Variants in BRD4 observed in about 807,000 individuals in gnomAD.
BRD4 encodes bromodomain containing 4, also known as bromodomain-containing protein 4.
In BRD4, 16 loss-of-function variants were observed where a neutral mutation model predicts 142.1. The ratio of observed to expected loss-of-function variants is 0.11; its 90% CI spans 0.08 to 0.17. The LOEUF is 0.17. BRD4 is among the 10% of genes least tolerant of loss of function. The pLI, the probability that BRD4 is intolerant of heterozygous loss-of-function variation, is 1.00. For synonymous variants in BRD4, 833 were observed against 707.5 expected (o/e 1.18, Z -2.82); for missense variants, 1,424 against 1,810.9 (o/e 0.79, Z 3.88).
At chr19:15,310,166 C>T (rs547366444) in intron 1 of BRD4, among the ~76,000 whole-genome samples, 1 of 151,082 alleles carries the variant, frequency 6.6e-6, no homozygotes, top group East Asian at 1.9e-4. Context: ...GGATGAGTCC[C>T]CTGGGAGCTG....
chr19:15,288,314 G>A (rs2047755497), intron 1 of BRD4, among the ~76,000 whole-genome samples: 1 of 152,188 alleles, frequency 6.6e-6, no homozygotes, highest in Non-Finnish European at 1.5e-5. Context: ...GGGTGGCTGG[G>A]AAGGATCGCT....
intron 11 of BRD4, chr19:15,253,812 C>T (rs758312604): frequency 3.2e-6 from 5 of 1,567,806 alleles, no homozygotes; most frequent in Non-Finnish European, 4.3e-6. Context: ...AGGTCAACAG[C>T]ACAGCCTGGA....
intron 1 of BRD4, among the ~76,000 whole-genome samples, chr19:15,307,608 A>G (rs1018385084): frequency 2.0e-5 from 3 of 152,210 alleles, no homozygotes; most frequent in East Asian, 1.9e-4. Flanking sequence ...CCTTTCCAGG[A>G]CAAGACAATG....
rs755594927 is a variant in BRD4 at position 15,243,045 on chromosome 19, G to A, written c.3024C>T (p.Ile1008=). Residue 1008 remains isoleucine, a synonymous_variant, in exon 14 of 20, where the codon ATC becomes ATT. Coordinates refer to ENST00000679869, the MANE Select transcript of BRD4 (RefSeq NM_001379291.1). ...GGCCCTGGGGTGGCGGGGGCTGTTG[G>A]ATGTGGGTGGAAAACTGCATGGGCT... is the stretch of plus-strand genomic sequence containing the variant. ...HLQPMQFSTH[I]QQPPPPQGQQ... 111 of 1,535,530 alleles carry A rather than the reference G, an allele frequency of 7.2e-5. No homozygotes were observed. Among genetic ancestry groups the A allele is most frequent in the Non-Finnish European group, 9.2e-5 (105 of 1,141,488 alleles).
Position 15,237,242 on chromosome 19 carries a change from G to A in BRD4, c.*1135C>T, listed in dbSNP as rs555979737. On this transcript the variant is annotated 3_prime_UTR_variant, in exon 20 of 20. Coordinates refer to ENST00000679869, the MANE Select transcript of BRD4 (RefSeq NM_001379291.1). ...TTAAAAAACAAAAAAGCCAACAAATGGGTGGGGGGGGGGGGGGTGGAGGGG... is the reference window on the plus strand; with the variant it reads ...TTAAAAAACAAAAAAGCCAACAAATAGGTGGGGGGGGGGGGGGTGGAGGGG... The A allele has an allele frequency of 1.2e-4, 11 of 88,968 alleles. No individual in the cohort carries two copies. The highest frequency in any genetic ancestry group is 1.3e-3 in the South Asian group (2 of 1,572). 5.5% of individuals were successfully genotyped at this position (88,968 alleles called of 1,614,324 possible).
intron 11 of BRD4, among the ~76,000 whole-genome samples, chr19:15,245,584 T>G (rs1316855492): frequency 6.6e-6 from 1 of 152,090 alleles, no homozygotes; most frequent in Non-Finnish European, 1.5e-5. Context: ...AGAGGTGTAC[T>G]CGAGAGCCAG....
intron 1 of BRD4, among the ~76,000 whole-genome samples, chr19:15,306,029 T>C (rs1013632430): frequency 1.3e-5 from 2 of 152,202 alleles, no homozygotes; most frequent in East Asian, 1.9e-4. Context: ...CTCCAAAGAA[T>C]TGAATAGAGT....
chr19:15,245,073 G>A (rs956224248), intron 11 of BRD4: 2 of 481,756 alleles, frequency 4.2e-6, no homozygotes, highest in Non-Finnish European at 3.8e-6. Context: ...CACTACTCAA[G>A]GGTCAGTCAC....
chr19:15,242,873 CAG>C (rs765336545), intron 14 of BRD4, 25 bp downstream of exon 14: 2 of 1,591,878 alleles, frequency 1.3e-6, no homozygotes, highest in South Asian at 1.1e-5. Context: ...CCAGCCTCCC[CAG>C]AGTCTACGGG....
chr19:15,327,664 G>A (rs865874325), intron 1 of BRD4, among the ~76,000 whole-genome samples: 1 of 152,190 alleles, frequency 6.6e-6, no homozygotes, highest in Middle Eastern at 3.4e-3. Context: ...ACAAAATGTA[G>A]CATAGCCATA....
At chr19:15,296,152 G>C (rs984109469) in intron 1 of BRD4, among the ~76,000 whole-genome samples, 1 of 151,272 alleles carries the variant, frequency 6.6e-6, no homozygotes, top group South Asian at 2.1e-4. Flanking sequence ...TACTCAGGAG[G>C]CTGAGGCAGG....
intron 3 of BRD4, 131 bp downstream of exon 3, chr19:15,268,774 G>T: frequency 1.0e-6 from 1 of 972,982 alleles, no homozygotes; most frequent in Non-Finnish European, 1.5e-6. Flanking sequence ...CTACCTCCAA[G>T]GGTCTCCTCT....
At chr19:15,330,142 C>A (rs185733050) in intron 1 of BRD4, among the ~76,000 whole-genome samples, 11 of 152,348 alleles carry the variant, frequency 7.2e-5, no homozygotes, top group Admixed American at 5.9e-4. Context: ...ACTGGGCTGA[C>A]TGCTAGCAAG....
chr19:15,245,196 G>A (rs1447329063), intron 11 of BRD4, among the ~76,000 whole-genome samples: 2 of 152,082 alleles, frequency 1.3e-5, no homozygotes, highest in Non-Finnish European at 2.9e-5. Flanking sequence ...TGGGGCTTCA[G>A]AAGGGAGGGG....
Position 15,253,714 on chromosome 19 carries a change from C to G in BRD4, c.2158+438G>C, listed in dbSNP as rs534662768. 3.8e-6 allele frequency: 6 copies of G among 1,598,442 alleles called. No individual in the cohort carries two copies. The South Asian group carries it at 5.5e-5, about 15-fold the overall frequency. On this transcript the variant is annotated intron_variant, in intron 11 of 19. Coordinates refer to ENST00000679869, the MANE Select transcript of BRD4 (RefSeq NM_001379291.1). The stretch of plus-strand genomic sequence containing the variant: ...AAACCAGCGAAGCATCTCCCTGAAG[C>G]GGCCGCACTGCACGTGACTGTGATA...
chr19:15,276,957 G>C (rs2047653838), intron 1 of BRD4, among the ~76,000 whole-genome samples: 1 of 152,196 alleles, frequency 6.6e-6, no homozygotes. Flanking sequence ...CAGAGAATGA[G>C]ACCAGAGGCG....
At chr19:15,268,584 C>T (rs777109853) in intron 3 of BRD4, among the ~76,000 whole-genome samples, 1 of 152,146 alleles carries the variant, frequency 6.6e-6, no homozygotes, top group Non-Finnish European at 1.5e-5. Flanking sequence ...TGTCATGAGT[C>T]GCCACTATTC....
chr19:15,325,788 C>T (rs1408593049), intron 1 of BRD4, among the ~76,000 whole-genome samples: 1 of 151,798 alleles, frequency 6.6e-6, no homozygotes, highest in African/African-American at 2.4e-5. Flanking sequence ...CACCTGAGGT[C>T]GGGAGTTCCA....
At chr19:15,249,363 A>G (rs1291086735) in intron 11 of BRD4, 1 of 1,611,978 alleles carries the variant, frequency 6.2e-7, no homozygotes, top group Non-Finnish European at 8.5e-7. Context: ...CAAGAACAGA[A>G]GAACCGCAGA....
Sources: allele counts gnomAD v4.1 joint callset (sites outside exome capture counted in the v4.1 genomes callset), GRCh38; gene constraint gnomAD v4.1.1; transcripts MANE v1.5; gene names NCBI Gene and HGNC (gene_info 2026-07-23, HGNC 2026-07-21).